DNAH7: variants seen among roughly 807,000 people sequenced by gnomAD.
DNAH7 encodes the protein axonemal beta dynein heavy chain 7.
DNAH7 carries 397 observed loss-of-function variants against 444.6 expected under a neutral mutation model. That is an observed-to-expected ratio of 0.89 (90% CI 0.82 to 0.97). The LOEUF is 0.97. Ranked by LOEUF, DNAH7 falls within the 50% of genes least tolerant of loss-of-function variation. The pLI, the probability that DNAH7 is intolerant of heterozygous loss-of-function variation, is 0.00. For synonymous variants in DNAH7, 1,636 were observed against 1,624.4 expected (o/e 1.01, Z -0.17); for missense variants, 4,902 against 4,800.8 (o/e 1.02, Z -0.62).
Position 195,974,706 on chromosome 2 carries a change from T to C in DNAH7, c.1834-2240A>G, listed in dbSNP as rs1692065569. On this transcript the variant is annotated intron_variant, in intron 15 of 64. Transcript: ENST00000312428. ...AATCACTTGATGTCCAACAATAATA[T>C]AAAATATAAAAATATTCTAAAAATA... 2.0e-5 allele frequency among the ~76,000 whole-genome samples: 3 copies of C among 150,568 alleles called. No homozygotes were observed. The South Asian group carries it at 6.2e-4, about 31-fold the overall frequency.
intron 5 of DNAH7, 62 bp from the exon 6 acceptor site, chr2:196,028,109 T>C: frequency 7.6e-7 from 1 of 1,318,296 alleles, no homozygotes; most frequent in Non-Finnish European, 1.1e-6. Context: ...CATAAAACAA[T>C]GGATATAGGA....
intron 7 of DNAH7, among the ~76,000 whole-genome samples, chr2:196,025,756 A>G (rs185482330): frequency 2.0e-3 from 297 of 152,254 alleles, no homozygotes; most frequent in African/African-American, 6.8e-3. Context: ...CTCTGAGGGC[A>G]GGGATTAGGC....
intron 60 of DNAH7, among the ~76,000 whole-genome samples, chr2:195,775,094 G>A (rs116515258): frequency 1.8e-3 from 276 of 152,238 alleles, no homozygotes; most frequent in African/African-American, 6.3e-3. Context: ...AAGCTCTGTA[G>A]TTCTGGTCTC....
chr2:196,036,638 C>A (rs1028830916), intron 5 of DNAH7, among the ~76,000 whole-genome samples: 1 of 152,166 alleles, frequency 6.6e-6, no homozygotes, highest in Non-Finnish European at 1.5e-5. Flanking sequence ...GACCAGCCTG[C>A]CCACCCCACT....
At chr2:195,796,526 T>C in intron 56 of DNAH7, 50 bp downstream of exon 56, 2 of 1,598,504 alleles carry the variant, frequency 1.3e-6, no homozygotes, top group Non-Finnish European at 1.7e-6. Flanking sequence ...TGTATATTAC[T>C]AATTAGATCC....
At chr2:195,869,321 T>C (rs1021366475) in intron 40 of DNAH7, among the ~76,000 whole-genome samples, 25 of 150,990 alleles carry the variant, frequency 1.7e-4, no homozygotes, top group African/African-American at 5.1e-4. Context: ...CCACCTACTG[T>C]CTCACAATTA....
In DNAH7 at chr2:195,858,757, A is replaced by G. The variant is rs189913342; in HGVS notation, c.7784T>C (p.Leu2595Pro). Residue 2595 changes from leucine (L) to proline (P), a missense_variant, in exon 43 of 65, where the codon CTG becomes CCG. Coordinates refer to ENST00000312428, the MANE Select transcript of DNAH7 (RefSeq NM_018897.3). ...KKRYEVGLEKLDSASSQVATM... is the reference protein window; with the variant it reads ...KKRYEVGLEKPDSASSQVATM... ...GGCTACTTGAGATGAAGCAGAATCCAGTTTCTCCAAACCCACTTCATATCT... is the reference window on the plus strand; with the variant it reads ...GGCTACTTGAGATGAAGCAGAATCCGGTTTCTCCAAACCCACTTCATATCT... 1.2e-6 allele frequency: 2 copies of G among 1,613,690 alleles called. No individual in the cohort carries two copies. Among genetic ancestry groups the G allele is most frequent in the South Asian group, 2.2e-5 (2 of 91,024 alleles).
chr2:195,785,184 T>G (rs968298909), intron 58 of DNAH7, among the ~76,000 whole-genome samples: 1 of 152,222 alleles, frequency 6.6e-6, no homozygotes, highest in Non-Finnish European at 1.5e-5. Flanking sequence ...GTGCTGGGAT[T>G]ACAGGCGTGA....
chr2:195,799,296 C>T lies in DNAH7; in HGVS notation c.10353G>A (p.Gln3451=), dbSNP rs2106001490. 4 of 1,573,248 alleles carry T rather than the reference C, an allele frequency of 2.5e-6. No individual in the cohort carries two copies. The highest frequency in any genetic ancestry group is 3.4e-6 in the Non-Finnish European group (4 of 1,161,066). ...GATAACTTCATCTATTGTAAGGTACCTGGTCATCAGCAAATTTTAGAAGGG... is the reference window on the plus strand; with the variant it reads ...GATAACTTCATCTATTGTAAGGTACTTGGTCATCAGCAAATTTTAGAAGGG... ...MAALLKFADD[Q]GYGGSKLSSL... The change falls in exon 55 of 65, where the codon CAG becomes CAA. Residue 3451 remains glutamine (Q), a splice_region_variant and synonymous_variant. Transcript: ENST00000312428.
intron 48 of DNAH7, among the ~76,000 whole-genome samples, chr2:195,825,667 A>G (rs1274722457): frequency 6.6e-6 from 1 of 152,218 alleles, no homozygotes; most frequent in African/African-American, 2.4e-5. Context: ...TGTTAAGGCT[A>G]TTGATATCTT....
At chr2:195,828,624 T>C (rs1224104793) in intron 48 of DNAH7, among the ~76,000 whole-genome samples, 1 of 148,436 alleles carries the variant, frequency 6.7e-6, no homozygotes, top group Non-Finnish European at 1.5e-5. Context: ...TTTTTTTTTT[T>C]TTCTATTGCA....
At chr2:196,003,720 T>C (rs2125695463) in intron 10 of DNAH7, among the ~76,000 whole-genome samples, 1 of 152,288 alleles carries the variant, frequency 6.6e-6, no homozygotes, top group South Asian at 2.1e-4. Flanking sequence ...GCATTCTAAA[T>C]AGTGTAAACC....
rs79164690 is a variant in DNAH7, at chr2:195,977,385, C to A, written c.1834-4919G>T. Among the ~76,000 whole-genome samples the A allele has an allele frequency of 0.019, 2,932 of 152,058 alleles. 238 individuals are homozygous for A. In the East Asian group the frequency reaches 0.26, roughly 14 times the overall value. ...GAAGAATGCATCAGACTCTTAATAGCAGAGTTTATCAAAAAGAAGAAAGAA... is the reference window on the plus strand; with the variant it reads ...GAAGAATGCATCAGACTCTTAATAGAAGAGTTTATCAAAAAGAAGAAAGAA... On this transcript the variant is annotated intron_variant, in intron 15 of 64. Coordinates refer to ENST00000312428, the MANE Select transcript of DNAH7 (RefSeq NM_018897.3).
chr2:195,967,529 T>C (rs1318180331), intron 17 of DNAH7, among the ~76,000 whole-genome samples: 2 of 152,200 alleles, frequency 1.3e-5, no homozygotes, highest in Non-Finnish European at 2.9e-5. Context: ...TCCTGTAAGA[T>C]AGGTCTGGTG....
At chr2:195,779,899 C>T (rs940013846) in intron 58 of DNAH7, among the ~76,000 whole-genome samples, 1 of 152,140 alleles carries the variant, frequency 6.6e-6, no homozygotes, top group African/African-American at 2.4e-5. Context: ...ACCACTGCAC[C>T]CTGCCCTATT....
At chr2:195,798,869 G>C (rs1026058662) in intron 55 of DNAH7, among the ~76,000 whole-genome samples, 3 of 152,040 alleles carry the variant, frequency 2.0e-5, no homozygotes, top group African/African-American at 7.3e-5. Flanking sequence ...ATCTAATACA[G>C]TGACCACAAC....
chr2:195,868,732 T>C (rs1335215346), intron 40 of DNAH7, among the ~76,000 whole-genome samples: 4 of 151,120 alleles, frequency 2.6e-5, no homozygotes, highest in African/African-American at 4.9e-5. Flanking sequence ...ATTTTGGGGG[T>C]CTTGTTTTTG....
At position 195,950,945 on chromosome 2, in the gene DNAH7, CTCTGA is replaced by C. The variant is rs528017065; in HGVS notation, c.3078+6311_3078+6315del. 2.1e-3 allele frequency among the ~76,000 whole-genome samples: 301 copies of C among 145,422 alleles called. 1 individual carries two copies. The highest frequency in any genetic ancestry group is 7.0e-3 in the African/African-American group (280 of 40,090). On this transcript the variant is annotated intron_variant, in intron 19 of 64. Transcript: ENST00000312428. ...TGTGTCTCTATCTCCTTCAGTTCTGCTCTGATCTAAGTTATTTCTTGTCTTCTGCT... is the reference window on the plus strand; with the variant it reads ...TGTGTCTCTATCTCCTTCAGTTCTGCTCTAAGTTATTTCTTGTCTTCTGCT...
chr2:195,852,355 C>G (rs1001038216), intron 46 of DNAH7, among the ~76,000 whole-genome samples: 1 of 151,854 alleles, frequency 6.6e-6, no homozygotes, highest in Admixed American at 6.6e-5. Context: ...CAATTGAGAC[C>G]ACGTGTAAGC....
Sources: allele counts gnomAD v4.1 joint callset (sites outside exome capture counted in the v4.1 genomes callset), GRCh38; gene constraint gnomAD v4.1.1; transcripts MANE v1.5; gene names NCBI Gene and HGNC (gene_info 2026-07-23, HGNC 2026-07-21).